Variants in ARHGAP20 observed in about 807,000 individuals in gnomAD.
ARHGAP20 encodes the protein Rho GTPase activating protein 20.
In ARHGAP20, 34 loss-of-function variants were observed where a neutral mutation model predicts 73.7. The observed-to-expected ratio is 0.46, with a 90% CI of 0.35 to 0.61. The LOEUF (loss-of-function observed/expected upper bound fraction) is 0.61. Among genes scored for constraint, ARHGAP20 ranks in the 20% least tolerant of loss-of-function variants. The pLI is 0.00. For missense variants in ARHGAP20, 1,314 were observed against 1,420.9 expected (o/e 0.92, Z 1.21); for synonymous variants, 523 against 518.2 (o/e 1.01, Z -0.13).
At chr11:110,606,366 T>C (rs1948230233) in intron 9 of ARHGAP20, among the ~76,000 whole-genome samples, 195 bp downstream of exon 9, 1 of 152,258 alleles carries the variant, frequency 6.6e-6, no homozygotes, top group African/African-American at 2.4e-5. Context: ...ACTGTATTGC[T>C]ACTAGCTGCT....
Position 110,578,530 on chromosome 11 carries a change from G to T in ARHGAP20, c.*840C>A, listed in dbSNP as rs1300876270. ...TGGTCTTTTCCTCCATATTGAGAGT[G>T]AACGCTGTCAGGAGGTCACCTTCTA... On this transcript the variant is annotated 3_prime_UTR_variant, in exon 15 of 15. Coordinates refer to ENST00000683387, the MANE Select transcript of ARHGAP20 (RefSeq NM_001384657.1). 2.0e-6 allele frequency: 2 copies of T among 985,302 alleles called. No homozygotes were observed. The highest frequency in any genetic ancestry group is 4.7e-5 in the South Asian group (1 of 21,284). The allele number at this position is 985,302 out of a possible 1,614,324, so 61.0% of individuals were successfully genotyped here. A position where few individuals can be genotyped will look rare whatever the true frequency, so the allele number is the denominator to read the frequency against.
rs1947346377 is a variant in ARHGAP20 at position 110,578,540 on chromosome 11, A to G, written c.*830T>C. 1.0e-6 allele frequency: 1 copy of G among 985,324 alleles called. No individual in the cohort carries two copies. The allele number at this position is 985,324 out of a possible 1,614,324, so 61.0% of individuals were successfully genotyped here. A position where few individuals can be genotyped will look rare whatever the true frequency, so the allele number is the denominator to read the frequency against. On this transcript the variant is annotated 3_prime_UTR_variant, in exon 15 of 15. Coordinates refer to ENST00000683387, the MANE Select transcript of ARHGAP20 (RefSeq NM_001384657.1). ...CTCCATATTGAGAGTGAACGCTGTC[A>G]GGAGGTCACCTTCTAAATAGAAGAA...
At chr11:110,662,601 A>G (rs568792709) in intron 2 of ARHGAP20, among the ~76,000 whole-genome samples, 3 of 151,940 alleles carry the variant, frequency 2.0e-5, no homozygotes, top group Middle Eastern at 6.3e-3. Flanking sequence ...ATTATGTGAT[A>G]TTTTAATTCC....
chr11:110,657,981 G>C (rs1417167850), intron 2 of ARHGAP20, among the ~76,000 whole-genome samples: 1 of 149,390 alleles, frequency 6.7e-6, no homozygotes, highest in Non-Finnish European at 1.5e-5. Context: ...AAAATGTCTA[G>C]GGCTGAAGTA....
chr11:110,604,526 C>G (rs1327482164), intron 9 of ARHGAP20, among the ~76,000 whole-genome samples: 1 of 152,062 alleles, frequency 6.6e-6, no homozygotes, highest in Non-Finnish European at 1.5e-5. Context: ...TTTTGAAAAA[C>G]ACAGGTGCAA....
chr11:110,581,315 G>C, intron 14 of ARHGAP20, 90 bp from the exon 15 acceptor site: 1 of 1,294,944 alleles, frequency 7.7e-7, no homozygotes, highest in Non-Finnish European at 1.0e-6. Context: ...TTCATGTGAA[G>C]TGTTCAAATT....
At chr11:110,596,411 T>C (rs1947961624) in intron 9 of ARHGAP20, among the ~76,000 whole-genome samples, 1 of 150,428 alleles carries the variant, frequency 6.6e-6, no homozygotes, top group South Asian at 2.1e-4. Context: ...AAAGGGCTAA[T>C]ATCCAGAATC....
At position 110,614,500 on chromosome 11, in the gene ARHGAP20, C is replaced by T. The variant is rs541763620; in HGVS notation, c.630+61G>A. The T allele has an allele frequency of 8.8e-5, 128 of 1,450,056 alleles. No individual in the cohort carries two copies. In the African/African-American group the frequency reaches 1.5e-3, roughly 18 times the overall value. 89.8% of individuals were successfully genotyped at this position (1,450,056 alleles called of 1,614,324 possible). A position where few individuals can be genotyped will look rare whatever the true frequency, so the allele number is the denominator to read the frequency against. On this transcript the variant is annotated intron_variant, in intron 6 of 14. Coordinates refer to ENST00000683387, the MANE Select transcript of ARHGAP20 (RefSeq NM_001384657.1). ...GCCTGCCTGCTCTCTCTCTTCTTATCCGTAGTGTTCTGTCTTATGCAGGGA... is the reference window on the plus strand; with the variant it reads ...GCCTGCCTGCTCTCTCTCTTCTTATTCGTAGTGTTCTGTCTTATGCAGGGA...
intron 9 of ARHGAP20, among the ~76,000 whole-genome samples, chr11:110,593,898 G>C (rs1190840724): frequency 6.6e-6 from 1 of 152,226 alleles, no homozygotes; most frequent in Non-Finnish European, 1.5e-5. Flanking sequence ...CAGTGAGAGT[G>C]CACGATAATT....
intron 2 of ARHGAP20, among the ~76,000 whole-genome samples, chr11:110,639,863 C>T (rs1477380600): frequency 6.6e-6 from 1 of 151,956 alleles, no homozygotes; most frequent in African/African-American, 2.4e-5. Flanking sequence ...TTGTTTCCAC[C>T]TTTTAGCTAT....
At chr11:110,586,594 A>G (rs1456370697) in intron 11 of ARHGAP20, among the ~76,000 whole-genome samples, 1 of 152,192 alleles carries the variant, frequency 6.6e-6, no homozygotes, top group Non-Finnish European at 1.5e-5. Flanking sequence ...CTGTTTGCAT[A>G]TATTTTAGTG....
At chr11:110,665,921 G>A (rs1364004592) in intron 2 of ARHGAP20, among the ~76,000 whole-genome samples, 1 of 151,926 alleles carries the variant, frequency 6.6e-6, no homozygotes, top group Non-Finnish European at 1.5e-5. Context: ...AATGAATCTC[G>A]AGAAATGCTA....
At chr11:110,667,746 T>C (rs1323182716) in intron 2 of ARHGAP20, among the ~76,000 whole-genome samples, 1 of 152,108 alleles carries the variant, frequency 6.6e-6, no homozygotes, top group Non-Finnish European at 1.5e-5. Context: ...GGTCAAAATA[T>C]CAATATTAAT....
At chr11:110,593,487 A>T (rs1288459680) in intron 9 of ARHGAP20, among the ~76,000 whole-genome samples, 1 of 152,202 alleles carries the variant, frequency 6.6e-6, no homozygotes, top group Non-Finnish European at 1.5e-5. Context: ...GAGCAAAAGA[A>T]GGTAGATATA....
At position 110,580,824 on chromosome 11, in the gene ARHGAP20, T is replaced by C. The variant is rs1333928319; in HGVS notation, c.2122A>G (p.Ile708Val). The C allele has an allele frequency of 1.2e-6, 2 of 1,614,054 alleles. No individual in the cohort carries two copies. The highest frequency in any genetic ancestry group is 1.7e-5 in the Admixed American group (1 of 59,998). Residue 708 changes from isoleucine (I) to valine (V), a missense_variant, in exon 15 of 15, where the codon ATC becomes GTC. By Grantham distance (29) the Ile-to-Val change is conservative. Coordinates refer to ENST00000683387, the MANE Select transcript of ARHGAP20 (RefSeq NM_001384657.1). ...RRHRRCSEPS[I>V]DYLDSKLSYL... is the part of the protein sequence containing the mutation. Reference sequence around the variant, plus strand: ...GAAAGCTTTGAATCCAGATAGTCGATGCTGGGCTCTGAGCAACGCCGGTGT... The same window carrying C: ...GAAAGCTTTGAATCCAGATAGTCGACGCTGGGCTCTGAGCAACGCCGGTGT...
chr11:110,623,021 T>C (rs1016159728), intron 4 of ARHGAP20, among the ~76,000 whole-genome samples: 1 of 151,450 alleles, frequency 6.6e-6, no homozygotes, highest in Non-Finnish European at 1.5e-5. Flanking sequence ...CTTTCACCTG[T>C]AACTCCAAGG....
chr11:110,631,165 A>G (rs183794241), intron 2 of ARHGAP20, among the ~76,000 whole-genome samples: 111 of 152,358 alleles, frequency 7.3e-4, no homozygotes, highest in African/African-American at 2.5e-3. Context: ...ATCATTAACT[A>G]GAGTTCAATT....
chr11:110,621,422 G>A (rs1010131133), intron 4 of ARHGAP20, among the ~76,000 whole-genome samples: 8 of 150,774 alleles, frequency 5.3e-5, no homozygotes, highest in African/African-American at 9.8e-5. Flanking sequence ...CCACAAGTCC[G>A]TGATACATTT....
chr11:110,638,548 A>G (rs183489843), intron 2 of ARHGAP20, among the ~76,000 whole-genome samples: 303 of 152,060 alleles, frequency 2.0e-3, no homozygotes, highest in African/African-American at 7.1e-3. Flanking sequence ...AACAGAAAAC[A>G]TAAAAGAGAT....
Sources: gnomAD v4.1 joint callset for allele counts (sites outside exome capture counted in the v4.1 genomes callset) on GRCh38, gnomAD v4.1.1 for gene constraint, MANE v1.5 for transcripts, NCBI Gene and HGNC (gene_info 2026-07-23, HGNC 2026-07-21) for gene names.